Variants in SLC20A2 observed in about 807,000 individuals in gnomAD.
SLC20A2 encodes the protein sodium-dependent phosphate transporter 2.
Under a neutral mutation model 61.0 loss-of-function variants are expected in SLC20A2, and 30 were observed. The ratio of observed to expected loss-of-function variants is 0.49; its 90% CI spans 0.37 to 0.67. The LOEUF (loss-of-function observed/expected upper bound fraction) is 0.67. Among genes scored for constraint, SLC20A2 ranks in the 30% least tolerant of loss-of-function variants. The pLI, the probability that SLC20A2 is intolerant of heterozygous loss-of-function variation, is 0.00. For missense variants in SLC20A2, 626 were observed against 866.4 expected (o/e 0.72, Z 3.48); for synonymous variants, 351 against 353.3 (o/e 0.99, Z 0.07).
intron 7 of SLC20A2, among the ~76,000 whole-genome samples, chr8:42,438,062 C>A (rs6474396): frequency 0.89 from 85,631 of 95,918 alleles, 37,942 homozygotes; most frequent in East Asian, 0.95. Flanking sequence ...AAAAAAAAAA[C>A]CAAAAAAAAA....
intron 1 of SLC20A2, among the ~76,000 whole-genome samples, chr8:42,496,763 C>T (rs941455905): frequency 8.5e-5 from 13 of 152,188 alleles, no homozygotes; most frequent in Non-Finnish European, 1.0e-4. Context: ...ATGTTGCTTC[C>T]TGCTCCTAGG....
chr8:42,450,611 C>T (rs550360417), intron 5 of SLC20A2, among the ~76,000 whole-genome samples: 1 of 152,210 alleles, frequency 6.6e-6, no homozygotes, highest in South Asian at 2.1e-4. Context: ...GCAGCCTCCG[C>T]CTCCCAGGTC....
At chr8:42,461,346 G>A (rs1305320027) in intron 4 of SLC20A2, among the ~76,000 whole-genome samples, 3 of 152,034 alleles carry the variant, frequency 2.0e-5, no homozygotes, top group African/African-American at 7.2e-5. Context: ...CCATGGCATT[G>A]TTTTCTTAGG....
intron 1 of SLC20A2, among the ~76,000 whole-genome samples, chr8:42,523,497 CACTT>C (rs1237125719): frequency 6.6e-6 from 1 of 152,132 alleles, no homozygotes; most frequent in East Asian, 1.9e-4. Context: ...GCTAGTATCT[CACTT>C]AATTTTAAAG....
At position 42,522,159 on chromosome 8, in the gene SLC20A2, T is replaced by C. The variant is rs1811637535; in HGVS notation, c.-265+19662A>G. ...AATGGATGGCTAGAGAGGAGAAGAC[T>C]GCCAGAATAATAGTGAGCAAGCAGT... is the stretch of plus-strand genomic sequence containing the variant. On this transcript the variant is annotated intron_variant, in intron 1 of 10. Coordinates refer to the SLC20A2 transcript ENST00000342228. 5.0e-5 allele frequency among the ~76,000 whole-genome samples: 6 copies of C among 121,092 alleles called. 2 individuals carry two copies. In the South Asian group the frequency reaches 1.8e-3, roughly 36 times the overall value. The allele number at this position is 121,092 out of a possible 152,430, so 79.4% of individuals were successfully genotyped here.
intron 1 of SLC20A2, among the ~76,000 whole-genome samples, chr8:42,510,886 T>A (rs538163155): frequency 2.6e-4 from 40 of 151,618 alleles, no homozygotes; most frequent in South Asian, 8.3e-4. Flanking sequence ...ATGGATTTTT[T>A]AAAAAAAAGA....
intron 1 of SLC20A2, among the ~76,000 whole-genome samples, chr8:42,513,608 C>A (rs1471711788): frequency 6.6e-6 from 1 of 152,214 alleles, no homozygotes; most frequent in Non-Finnish European, 1.5e-5. Flanking sequence ...CCTGACTCCC[C>A]TGAGCAGGCG....
chr8:42,446,937 A>T (rs974070076), intron 5 of SLC20A2, among the ~76,000 whole-genome samples: 57 of 152,234 alleles, frequency 3.7e-4, no homozygotes, highest in Non-Finnish European at 5.3e-4. Flanking sequence ...TTGTTAAAAA[A>T]TTTAATTCAA....
chr8:42,459,235 C>CAAAAAAAAAAAAAAAAAAAAAAAAAAAA (rs756966778), intron 5 of SLC20A2, among the ~76,000 whole-genome samples: 1 of 36,076 alleles, frequency 2.8e-5, no homozygotes, highest in Non-Finnish European at 7.3e-5. Flanking sequence ...GACTCTATCT[C>CAAAAAAAAAAAAAAAAAAAAAAAAAAAA]AAAAAAAAAA....
chr8:42,483,698 C>T (rs1165772596), intron 1 of SLC20A2, among the ~76,000 whole-genome samples: 2 of 152,164 alleles, frequency 1.3e-5, no homozygotes, highest in African/African-American at 4.8e-5. Context: ...TCACTCATAA[C>T]CAAAAATAGG....
chr8:42,500,265 T>C (rs1398431839), intron 1 of SLC20A2, among the ~76,000 whole-genome samples: 3 of 152,254 alleles, frequency 2.0e-5, no homozygotes, highest in Non-Finnish European at 4.4e-5. Context: ...TCAGTCCACA[T>C]TGAAAACACA....
chr8:42,427,775 C>T (rs1467294185), intron 10 of SLC20A2, among the ~76,000 whole-genome samples: 2 of 152,152 alleles, frequency 1.3e-5, no homozygotes, highest in Non-Finnish European at 2.9e-5. Flanking sequence ...TTGGCGTTGT[C>T]TTTTAAACAT....
At position 42,437,674 on chromosome 8, in the gene SLC20A2, A is replaced by C. The variant is rs529109194; in HGVS notation, c.935-97T>G. The C allele has an allele frequency of 1.9e-6, 2 of 1,034,480 alleles. No homozygotes were observed. Among genetic ancestry groups the C allele is most frequent in the Non-Finnish European group, 2.7e-6 (2 of 748,032 alleles). The allele number at this position is 1,034,480 out of a possible 1,614,324, so 64.1% of individuals were successfully genotyped here. A position where few individuals can be genotyped will look rare whatever the true frequency, so the allele number is the denominator to read the frequency against. On this transcript the variant is annotated intron_variant, in intron 7 of 10. Coordinates refer to ENST00000520262, the MANE Select transcript of SLC20A2 (RefSeq NM_001257180.2). This position sits in a 1 kb window ranked among gnomAD's most constrained non-coding sequence, Gnocchi z 6.4. ...TTGCTCTGTCCTCAGGGTGGAGTAC[A>C]ATGGCGCAATCTCGGCTCACTGCAA...
intron 1 of SLC20A2, among the ~76,000 whole-genome samples, chr8:42,532,925 G>A (rs1040417455): frequency 1.3e-5 from 2 of 152,160 alleles, no homozygotes; most frequent in African/African-American, 2.4e-5. Flanking sequence ...AGGACGGAAA[G>A]ACTAGGCTGA....
rs565958166 is a variant in SLC20A2 at position 42,435,446 on chromosome 8, G to A, written c.1523+1543C>T. On this transcript the variant is annotated intron_variant, in intron 8 of 10. Transcript: ENST00000520262. ...ATCCTGAGCATATTACACAGGGGAA[G>A]CCTGGGAGGTTAGGACTCGTTTTCC... Among the ~76,000 whole-genome samples the A allele has an allele frequency of 2.0e-4, 31 of 152,312 alleles. No individual in the cohort carries two copies. The South Asian group carries it at 6.2e-3, about 31-fold the overall frequency.
intron 5 of SLC20A2, among the ~76,000 whole-genome samples, chr8:42,445,399 C>A (rs909585586): frequency 6.6e-6 from 1 of 152,090 alleles, no homozygotes; most frequent in East Asian, 1.9e-4. Context: ...ATTTCAATAT[C>A]TAAATGGCTG....
At chr8:42,482,195 G>A (rs1276952382) in intron 1 of SLC20A2, among the ~76,000 whole-genome samples, 2 of 152,114 alleles carry the variant, frequency 1.3e-5, no homozygotes, top group Non-Finnish European at 2.9e-5. Flanking sequence ...GCCATCCTTA[G>A]TGACATTCAA....
At chr8:42,431,495 A>G (rs1357538543) in intron 8 of SLC20A2, among the ~76,000 whole-genome samples, 1 of 152,262 alleles carries the variant, frequency 6.6e-6, no homozygotes, top group Non-Finnish European at 1.5e-5. Context: ...TGCAAGGTGA[A>G]GTAGCAAGTG....
intron 5 of SLC20A2, among the ~76,000 whole-genome samples, chr8:42,451,767 GGAGGAGGAAGAGGAAGAGATGAA>G (rs1462228646): frequency 1.4e-5 from 2 of 141,440 alleles, no homozygotes; most frequent in African/African-American, 5.3e-5. Context: ...AGGAAAAGAT[GGAGGAGGAAGAGGAAGAGATGAA>G]GAGGAGGAGG....
Sources: allele counts gnomAD v4.1 joint callset (sites outside exome capture counted in the v4.1 genomes callset), GRCh38; gene constraint gnomAD v4.1.1; non-coding constraint Gnocchi (gnomAD v3.1); transcripts MANE v1.5; gene names NCBI Gene and HGNC (gene_info 2026-07-23, HGNC 2026-07-21).